DPYD: variants seen among roughly 807,000 people sequenced by gnomAD.
DPYD encodes the protein dihydropyrimidine dehydrogenase.
In DPYD, 109 loss-of-function variants were observed where a neutral mutation model predicts 116.2. The ratio of observed to expected loss-of-function variants is 0.94; its 90% CI spans 0.80 to 1.10. DPYD has a LOEUF of 1.10. Among genes scored for constraint, DPYD ranks in the 50% least tolerant of loss-of-function variants. DPYD has a pLI of 0.00. For missense variants in DPYD, 1,302 were observed against 1,254.5 expected, an observed-to-expected ratio of 1.04 and a Z score of -0.57; for synonymous variants, 440 against 432.0, an observed-to-expected ratio of 1.02 and a Z score of -0.23.
chr1:97,144,385 A>C (rs2101702407), intron 20 of DPYD, among the ~76,000 whole-genome samples: 1 of 152,338 alleles, frequency 6.6e-6, no homozygotes, highest in Non-Finnish European at 1.5e-5. Context: ...AATGGAAAGA[A>C]CTACAAGTTC....
intron 20 of DPYD, among the ~76,000 whole-genome samples, chr1:97,164,018 A>T (rs1174981081): frequency 1.3e-5 from 2 of 152,186 alleles, no homozygotes; most frequent in Non-Finnish European, 2.9e-5. Context: ...ACTGATGCTA[A>T]ATTCTTCAAC....
chr1:97,149,114 T>A (rs1429606320), intron 20 of DPYD, among the ~76,000 whole-genome samples: 1 of 152,202 alleles, frequency 6.6e-6, no homozygotes, highest in Non-Finnish European at 1.5e-5. Context: ...ATTTACTAAA[T>A]GGATGTAATA....
intron 13 of DPYD, chr1:97,514,147 A>C: frequency 1.1e-6 from 1 of 944,792 alleles, no homozygotes; most frequent in Non-Finnish European, 1.3e-6. Context: ...TTAAATTCAA[A>C]TTGGAGGTTT....
intron 19 of DPYD, among the ~76,000 whole-genome samples, chr1:97,206,977 T>G (rs1389617776): frequency 6.6e-6 from 1 of 151,850 alleles, no homozygotes; most frequent in Non-Finnish European, 1.5e-5. Context: ...CCTAAATAAC[T>G]GCACAATAGG....
At chr1:97,539,589 G>A (rs1341044272) in intron 12 of DPYD, among the ~76,000 whole-genome samples, 1 of 151,834 alleles carries the variant, frequency 6.6e-6, no homozygotes, top group Non-Finnish European at 1.5e-5. Flanking sequence ...CTTTTTAAAC[G>A]TTGCATCTAA....
intron 21 of DPYD, among the ~76,000 whole-genome samples, chr1:97,083,145 C>T (rs1190370792): frequency 1.3e-5 from 2 of 152,132 alleles, no homozygotes; most frequent in Admixed American, 6.5e-5. Flanking sequence ...CTTTGTTCTT[C>T]ATACTAATTG....
intron 16 of DPYD, among the ~76,000 whole-genome samples, chr1:97,356,171 T>C (rs1344091394): frequency 1.3e-5 from 2 of 152,228 alleles, no homozygotes; most frequent in African/African-American, 2.4e-5. Flanking sequence ...TGCATTTACC[T>C]AGTGATCACC....
intron 18 of DPYD, among the ~76,000 whole-genome samples, chr1:97,298,498 C>A (rs1281321790): frequency 2.0e-5 from 3 of 152,032 alleles, no homozygotes; most frequent in African/African-American, 7.2e-5. Context: ...GAATCCTGAT[C>A]CATAAAAGAC....
At chr1:97,251,711 C>A (rs931304381) in intron 18 of DPYD, among the ~76,000 whole-genome samples, 1 of 152,106 alleles carries the variant, frequency 6.6e-6, no homozygotes, top group Non-Finnish European at 1.5e-5. Context: ...AGAATAAGGA[C>A]ACATGGAGTA....
chr1:97,129,546 A>G (rs1288970907), intron 20 of DPYD, among the ~76,000 whole-genome samples: 3 of 152,054 alleles, frequency 2.0e-5, no homozygotes, highest in Non-Finnish European at 4.4e-5. Flanking sequence ...GTCACCAAGC[A>G]CAGTCATTTT....
At chr1:97,571,859 C>T (rs988607100) in intron 11 of DPYD, among the ~76,000 whole-genome samples, 1 of 151,886 alleles carries the variant, frequency 6.6e-6, no homozygotes, top group Non-Finnish European at 1.5e-5. Flanking sequence ...TTCTAACAAA[C>T]ACTGCTTCTG....
chr1:97,607,105 C>A (rs1282308040), intron 8 of DPYD, among the ~76,000 whole-genome samples: 2 of 151,914 alleles, frequency 1.3e-5, no homozygotes, highest in African/African-American at 2.4e-5. Flanking sequence ...TGTTTTCATT[C>A]TCTTCTCCTA....
intron 20 of DPYD, among the ~76,000 whole-genome samples, chr1:97,168,837 C>G (rs779874440): frequency 6.7e-5 from 10 of 149,094 alleles, no homozygotes; most frequent in Non-Finnish European, 1.3e-4. Flanking sequence ...GGCTTCAATT[C>G]CCACTTAGTA....
chr1:97,733,445 T>C (rs1401787939), intron 4 of DPYD, among the ~76,000 whole-genome samples: 1 of 151,994 alleles, frequency 6.6e-6, no homozygotes, highest in Non-Finnish European at 1.5e-5. Context: ...CAGATTAAAT[T>C]TTTTTCTAAA....
At chr1:97,782,376 C>A (rs1035215531) in intron 3 of DPYD, among the ~76,000 whole-genome samples, 1 of 152,186 alleles carries the variant, frequency 6.6e-6, no homozygotes, top group African/African-American at 2.4e-5. Context: ...GCTGTCTTTG[C>A]AGCACAACAG....
At chr1:97,911,723 TG>T (rs749659567) in intron 1 of DPYD, among the ~76,000 whole-genome samples, 19 of 152,130 alleles carry the variant, frequency 1.2e-4, no homozygotes, top group Non-Finnish European at 1.9e-4. Flanking sequence ...GGTTTGTTCT[TG>T]GGGTGAGGGT....
chr1:97,362,644 C>A (rs1002944854), intron 16 of DPYD, among the ~76,000 whole-genome samples: 1 of 152,054 alleles, frequency 6.6e-6, no homozygotes, highest in Non-Finnish European at 1.5e-5. Flanking sequence ...TCAGAAATAA[C>A]ATCACACATC....
At chr1:97,316,729 A>T (rs1027186998) in intron 16 of DPYD, among the ~76,000 whole-genome samples, 1 of 151,308 alleles carries the variant, frequency 6.6e-6, no homozygotes, top group African/African-American at 2.4e-5. Context: ...ACATTTCTAG[A>T]CTTTATCCAT....
intron 3 of DPYD, among the ~76,000 whole-genome samples, chr1:97,771,508 A>G (rs1011035657): frequency 5.3e-5 from 8 of 152,246 alleles, no homozygotes; most frequent in African/African-American, 1.9e-4. Flanking sequence ...TTAACAAAAA[A>G]GCATATTTTT....
Sources: gnomAD v4.1 joint callset for allele counts (sites outside exome capture counted in the v4.1 genomes callset) on GRCh38, gnomAD v4.1.1 for gene constraint, MANE v1.5 for transcripts, NCBI Gene and HGNC (gene_info 2026-07-23, HGNC 2026-07-21) for gene names.